ACOT1: variants seen among roughly 807,000 people sequenced by gnomAD.
ACOT1 encodes the protein acyl-CoA thioesterase 1.
A neutral mutation model predicts 15.7 loss-of-function variants in ACOT1; 8 were observed. The ratio of observed to expected loss-of-function variants is 0.51; its 90% CI spans 0.30 to 0.92. The LOEUF is 0.92. ACOT1 is among the 40% of genes least tolerant of loss of function. The pLI, the probability that ACOT1 is intolerant of heterozygous loss-of-function variation, is 0.06. For synonymous variants in ACOT1, 67 were observed against 241.2 expected (o/e 0.28, Z 6.69); for missense variants, 151 against 539.4 (o/e 0.28, Z 7.13).
chr14:73,529,067 C>T, the ACOT1 span: 1 of 151,994 alleles, frequency 6.6e-6, no homozygotes, highest in African/African-American at 2.4e-5. Flanking sequence ...AAAATTAAGT[C>T]AATCGGCCAG....
the ACOT1 span, among the ~76,000 whole-genome samples, chr14:73,494,696 G>A: frequency 6.6e-6 from 1 of 152,078 alleles, no homozygotes; most frequent in African/African-American, 2.4e-5. Context: ...GACTACCAGT[G>A]TGTGCCACCA....
At chr14:73,492,223 C>T in the ACOT1 span, 5 of 1,614,018 alleles carry the variant, frequency 3.1e-6, no homozygotes, top group Non-Finnish European at 4.2e-6. The surrounding 1 kb of genome is among the most constrained non-coding windows in gnomAD (Gnocchi z 4.9). Context: ...TTCCTCGGGG[C>T]TTCATTCACC....
At chr14:73,494,460 T>C in the ACOT1 span, among the ~76,000 whole-genome samples, 1 of 152,250 alleles carries the variant, frequency 6.6e-6, no homozygotes, top group African/African-American at 2.4e-5. Context: ...AAATTCTTTT[T>C]AAAAAAGTTA....
chr14:73,542,145 A>G lies in ACOT1; in HGVS notation c.660+450A>G, dbSNP rs183092693. On this transcript the variant is annotated intron_variant, in intron 2 of 2. Transcript: ENST00000311148. ...TGCTGGATTACAGGCATGAGCCACT[A>G]TGCCTAGCCTAATTTTTGTATTTTT... Among the ~76,000 whole-genome samples the G allele has an allele frequency of 6.7e-4, 67 of 99,306 alleles. 28 individuals are homozygous for G. The East Asian group carries it at 0.051, about 76-fold the overall frequency. The allele number at this position is 99,306 out of a possible 152,430, so 65.1% of individuals were successfully genotyped here.
the ACOT1 span, chr14:73,496,473 TG>T: frequency 1.6e-6 from 1 of 625,808 alleles, no homozygotes; most frequent in South Asian, 2.0e-5. Context: ...GTGGCATCTG[TG>T]TCTGGGGTTT....
the ACOT1 span, chr14:73,492,044 G>C: frequency 6.2e-7 from 1 of 1,613,950 alleles, no homozygotes; most frequent in Non-Finnish European, 8.5e-7. The surrounding 1 kb of genome is among the most constrained non-coding windows in gnomAD (Gnocchi z 4.9). Flanking sequence ...CCACTACGAC[G>C]ACATCGAGGC....
the ACOT1 span, among the ~76,000 whole-genome samples, chr14:73,519,616 G>A: frequency 1.8e-4 from 28 of 152,290 alleles, no homozygotes; most frequent in African/African-American, 5.5e-4. Context: ...ACAGCTACTC[G>A]GGAGGCTGAG....
chr14:73,490,985 C>T, the ACOT1 span: 33 of 1,330,702 alleles, frequency 2.5e-5, no homozygotes, highest in Admixed American at 1.0e-3. Context: ...CGCCCCCGGC[C>T]GGCCGGGCGG....
the ACOT1 span, among the ~76,000 whole-genome samples, chr14:73,530,835 C>T: frequency 1.0e-4 from 8 of 77,512 alleles, no homozygotes; most frequent in African/African-American, 3.3e-4. Flanking sequence ...GATAGAGTCT[C>T]ACCATGTTGT....
At chr14:73,524,310 A>AAAAAATATATATATATATATATAT in the ACOT1 span, among the ~76,000 whole-genome samples, 1 of 54,788 alleles carries the variant, frequency 1.8e-5, no homozygotes, top group African/African-American at 8.8e-5. Context: ...AAAAAAAAAA[A>AAAAAATATATATATATATATATAT]ATATATATAT....
chr14:73,515,541 G>A, the ACOT1 span, among the ~76,000 whole-genome samples: 2 of 151,754 alleles, frequency 1.3e-5, no homozygotes, highest in African/African-American at 2.4e-5. Context: ...TTTGCTAGGC[G>A]TGGTGGTGGG....
the ACOT1 span, among the ~76,000 whole-genome samples, chr14:73,502,674 A>G: frequency 6.6e-6 from 1 of 152,044 alleles, no homozygotes; most frequent in Non-Finnish European, 1.5e-5. Flanking sequence ...CAGCCTCCCG[A>G]GTAGCTGGGA....
chr14:73,494,940 T>C, the ACOT1 span, among the ~76,000 whole-genome samples: 1 of 152,188 alleles, frequency 6.6e-6, no homozygotes, highest in African/African-American at 2.4e-5. Context: ...AGTATTGTTT[T>C]ATAAAGACTT....
chr14:73,514,265 A>C, the ACOT1 span: 2 of 1,595,854 alleles, frequency 1.3e-6, no homozygotes. Flanking sequence ...AGGTCTTTTC[A>C]CCCCACTGCC....
chr14:73,521,115 T>G, the ACOT1 span: 7 of 1,278,380 alleles, frequency 5.5e-6, no homozygotes, highest in Non-Finnish European at 7.8e-6. Flanking sequence ...AATCCACAGC[T>G]CGTTCCCTTT....
At chr14:73,508,317 A>C in the ACOT1 span, 1 of 1,611,480 alleles carries the variant, frequency 6.2e-7, no homozygotes, top group South Asian at 1.1e-5. Flanking sequence ...GGTGAAAAAG[A>C]GTTCAGAATG....
At chr14:73,530,877 G>A in the ACOT1 span, among the ~76,000 whole-genome samples, 961 of 86,592 alleles carry the variant, frequency 0.011, 43 homozygotes, top group South Asian at 0.023. Context: ...GGACTCAAAC[G>A]ATCCTCCCAC....
At chr14:73,524,882 C>A in the ACOT1 span, among the ~76,000 whole-genome samples, 1 of 152,096 alleles carries the variant, frequency 6.6e-6, no homozygotes, top group Non-Finnish European at 1.5e-5. Flanking sequence ...CAGACCAGAT[C>A]TGACTTGTTT....
At chr14:73,508,596 A>G in the ACOT1 span, among the ~76,000 whole-genome samples, 2 of 151,890 alleles carry the variant, frequency 1.3e-5, no homozygotes, top group African/African-American at 2.4e-5. Context: ...TAAAAATACA[A>G]AAATCAGCCA....
Sources: gnomAD v4.1 joint callset for allele counts (sites outside exome capture counted in the v4.1 genomes callset) on GRCh38, gnomAD v4.1.1 for gene constraint, Gnocchi (gnomAD v3.1) non-coding constraint, MANE v1.5 for transcripts, NCBI Gene and HGNC (gene_info 2026-07-23, HGNC 2026-07-21) for gene names.